The following ITGA9 variants were observed in gnomAD, a reference collection of about 807,000 sequenced individuals.
ITGA9 encodes the protein integrin alpha-9.
In ITGA9, 56 loss-of-function variants were observed where a neutral mutation model predicts 127.8. That is an observed-to-expected ratio of 0.44 (90% CI 0.35 to 0.55). The LOEUF (loss-of-function observed/expected upper bound fraction) is 0.55. Ranked by LOEUF, ITGA9 falls within the 20% of genes least tolerant of loss-of-function variation. The pLI, the probability that ITGA9 is intolerant of heterozygous loss-of-function variation, is 0.00. For missense variants in ITGA9, 1,196 were observed against 1,347.1 expected (o/e 0.89, Z 1.76); for synonymous variants, 508 against 514.5 (o/e 0.99, Z 0.17).
chr3:37,685,603 T>C (rs4390871), intron 18 of ITGA9, among the ~76,000 whole-genome samples: 11,600 of 152,210 alleles, frequency 0.076, 1,337 homozygotes, highest in African/African-American at 0.25. Flanking sequence ...GGGGATTTGA[T>C]CTGTGGAACT....
chr3:37,622,356 T>G (rs574986233), intron 15 of ITGA9, among the ~76,000 whole-genome samples: 2 of 152,200 alleles, frequency 1.3e-5, no homozygotes. Flanking sequence ...CCCAAAGTGC[T>G]GGGATTAGAG....
chr3:37,521,155 C>T (rs577701691), intron 11 of ITGA9, among the ~76,000 whole-genome samples: 36 of 152,220 alleles, frequency 2.4e-4, no homozygotes, highest in African/African-American at 7.7e-4. Flanking sequence ...TATGACTGTA[C>T]GTTCCCAAGC....
intron 13 of ITGA9, 102 bp downstream of exon 13, chr3:37,526,173 CTGGAGGTGCTTAGTAAG>C: frequency 1.0e-6 from 1 of 988,320 alleles, no homozygotes; most frequent in Non-Finnish European, 1.6e-6. Context: ...TCCTTGTAGG[CTGGAGGTGCTTAGTAAG>C]TGGAAATGCT....
At chr3:37,671,276 T>C (rs34547922) in intron 17 of ITGA9, among the ~76,000 whole-genome samples, 19,707 of 152,270 alleles carry the variant, frequency 0.13, 2,086 homozygotes, top group African/African-American at 0.29. Flanking sequence ...AATTCCTCTG[T>C]TAGCTGGGAA....
At chr3:37,796,109 A>T (rs1300733189) in intron 26 of ITGA9, among the ~76,000 whole-genome samples, 1 of 151,742 alleles carries the variant, frequency 6.6e-6, no homozygotes, top group Admixed American at 6.6e-5. Flanking sequence ...GCAGTGTCTC[A>T]CCCTTGCCAA....
intron 23 of ITGA9, among the ~76,000 whole-genome samples, chr3:37,766,931 C>T (rs945051819): frequency 1.3e-5 from 2 of 152,326 alleles, no homozygotes; most frequent in Non-Finnish European, 2.9e-5. Context: ...GCTTTAACTC[C>T]AATAAAAGGC....
rs186890915 is a variant in ITGA9, at chr3:37,530,186, G to A, written c.1374-3128G>A. On this transcript the variant is annotated intron_variant, in intron 13 of 27. Transcript: ENST00000264741. ...AGGCTGGATGTCTGCAGGGGCAGCC[G>A]TTGATAAAGTCCCAGGATTCAGCTG... Among the ~76,000 whole-genome samples, 30 of 152,346 alleles carry A rather than the reference G, an allele frequency of 2.0e-4. No homozygotes were observed. In the East Asian group the frequency reaches 3.5e-3, roughly 18 times the overall value.
chr3:37,583,584 A>C (rs372347750), intron 15 of ITGA9, among the ~76,000 whole-genome samples: 1 of 152,264 alleles, frequency 6.6e-6, no homozygotes, highest in East Asian at 1.9e-4. Flanking sequence ...TACCTTACTC[A>C]TGCCCCCAAT....
chr3:37,554,689 G>C (rs1376673674), intron 15 of ITGA9, among the ~76,000 whole-genome samples: 1 of 152,060 alleles, frequency 6.6e-6, no homozygotes, highest in Non-Finnish European at 1.5e-5. Flanking sequence ...ATTTTGAAGG[G>C]GGATCCTACA....
intron 15 of ITGA9, among the ~76,000 whole-genome samples, chr3:37,569,919 A>G (rs1354415658): frequency 1.3e-5 from 2 of 152,228 alleles, no homozygotes; most frequent in South Asian, 2.1e-4. Context: ...AATCTGAAAG[A>G]CTTCTGGTCC....
chr3:37,703,019 C>T (rs1437319016), intron 18 of ITGA9, among the ~76,000 whole-genome samples: 2 of 152,136 alleles, frequency 1.3e-5, no homozygotes, highest in African/African-American at 4.8e-5. Context: ...GATCCTGCTG[C>T]TGCCTCTACT....
At chr3:37,757,692 A>T (rs1696670556) in intron 23 of ITGA9, among the ~76,000 whole-genome samples, 1 of 151,802 alleles carries the variant, frequency 6.6e-6, no homozygotes, top group East Asian at 1.9e-4. Context: ...TTATTCACAC[A>T]AAGATAAAAT....
rs1559553516 is a variant in ITGA9, at chr3:37,629,473, C to T, written c.1839+137C>T. On this transcript the variant is annotated intron_variant, in intron 16 of 27. Transcript: ENST00000264741. This position sits in a 1 kb window ranked among gnomAD's most constrained non-coding sequence, Gnocchi z 4.5. The stretch of plus-strand genomic sequence containing the variant: ...CAGGACACACCTCCTCTCTGGGTCT[C>T]CCTTTTCTGATCTGCAAAATGATAA... 1 of 883,860 alleles carries T rather than the reference C, an allele frequency of 1.1e-6. No individual in the cohort carries two copies. The highest frequency in any genetic ancestry group is 1.8e-6 in the Non-Finnish European group (1 of 549,836). The allele number at this position is 883,860 out of a possible 1,614,324, so 54.8% of individuals were successfully genotyped here. A position where few individuals can be genotyped will look rare whatever the true frequency, so the allele number is the denominator to read the frequency against.
At chr3:37,459,966 A>G (rs190671054) in intron 1 of ITGA9, among the ~76,000 whole-genome samples, 7 of 152,278 alleles carry the variant, frequency 4.6e-5, no homozygotes, top group Admixed American at 2.6e-4. Context: ...CAGGGACCCA[A>G]TGATTCTGCC....
intron 15 of ITGA9, among the ~76,000 whole-genome samples, chr3:37,622,946 A>G (rs958595871): frequency 6.6e-6 from 1 of 152,210 alleles, no homozygotes; most frequent in Admixed American, 6.5e-5. Flanking sequence ...TTATCTGATT[A>G]CAAATATGTT....
chr3:37,476,332 A>G (rs561308225), intron 3 of ITGA9, among the ~76,000 whole-genome samples: 23 of 151,850 alleles, frequency 1.5e-4, no homozygotes, highest in African/African-American at 5.6e-4. Context: ...CAATGGCTCC[A>G]CGTCCTTGCC....
intron 5 of ITGA9, among the ~76,000 whole-genome samples, chr3:37,497,881 G>T (rs1698747508): frequency 6.6e-6 from 1 of 152,230 alleles, no homozygotes; most frequent in African/African-American, 2.4e-5. Flanking sequence ...AGCTGGGTTT[G>T]CCCAGAACTT....
intron 16 of ITGA9, among the ~76,000 whole-genome samples, chr3:37,640,093 G>A (rs1700318159): frequency 6.6e-6 from 1 of 152,236 alleles, no homozygotes; most frequent in African/African-American, 2.4e-5. Flanking sequence ...GCGGTAGGCA[G>A]AATGGCCCCC....
At chr3:37,651,693 A>G (rs1198193845) in intron 16 of ITGA9, among the ~76,000 whole-genome samples, 2 of 152,186 alleles carry the variant, frequency 1.3e-5, no homozygotes, top group Non-Finnish European at 2.9e-5. Context: ...GATGGGCCTG[A>G]ACTTGCCCAG....
Sources: allele counts gnomAD v4.1 joint callset (sites outside exome capture counted in the v4.1 genomes callset), GRCh38; gene constraint gnomAD v4.1.1; non-coding constraint Gnocchi (gnomAD v3.1); transcripts MANE v1.5; gene names NCBI Gene and HGNC (gene_info 2026-07-23, HGNC 2026-07-21).